The following CEMIP2 variants were observed in gnomAD, a reference collection of about 807,000 sequenced individuals.
CEMIP2 encodes the protein cell surface hyaluronidase CEMIP2.
CEMIP2 carries 79 observed loss-of-function variants against 146.9 expected under a neutral mutation model. The observed-to-expected ratio is 0.54, with a 90% CI of 0.45 to 0.65. The LOEUF (loss-of-function observed/expected upper bound fraction) is 0.65, where lower values mean the gene tolerates loss of function less well. Ranked by LOEUF, CEMIP2 falls within the 30% of genes least tolerant of loss-of-function variation. The probability of loss-of-function intolerance (pLI) is 0.00; values close to 1 mark genes in which losing one functional copy is unlikely to be tolerated. For synonymous variants in CEMIP2, 601 were observed against 606.3 expected (o/e 0.99, Z 0.13); for missense variants, 1,596 against 1,696.2 (o/e 0.94, Z 1.04).
In CEMIP2 at chr9:71,730,253, T is replaced by C. The variant is rs942892278; in HGVS notation, c.1774A>G (p.Ile592Val). 9 of 1,613,288 alleles carry C rather than the reference T, an allele frequency of 5.6e-6. No individual in the cohort carries two copies. Among genetic ancestry groups the C allele is most frequent in the Non-Finnish European group, 7.6e-6 (9 of 1,179,500 alleles). ...ITVHGTNGLL[I>V]KDTIGFDTLG... ...GTGTCAAACCCAATGGTGTCTTTTA[T>C]CTGCAGAAATAAAAGTATATTAATG... Residue 592 changes from isoleucine to valine, a missense_variant and splice_region_variant, in exon 9 of 24, where the codon ATA (isoleucine) becomes GTA (valine). Physicochemically the swap from Ile to Val is conservative, Grantham distance 29 (BLOSUM62 3). Transcript: ENST00000377044.
intron 1 of CEMIP2, among the ~76,000 whole-genome samples, chr9:71,756,757 T>G (rs1824473645): frequency 6.6e-6 from 1 of 152,148 alleles, no homozygotes; most frequent in African/African-American, 2.4e-5. Flanking sequence ...AAAGGTATTA[T>G]TAACAACTGC....
chr9:71,725,683 G>C lies in CEMIP2; in HGVS notation c.2076C>G (p.His692Gln). 1 of 1,613,752 alleles carries C rather than the reference G, an allele frequency of 6.2e-7. No homozygotes were observed. Among genetic ancestry groups the C allele is most frequent in the Non-Finnish European group, 8.5e-7 (1 of 1,179,872 alleles). ...CACTGGATTCCCCAGTTGGTTCCTT[G>C]TGGAATAAATACCATATTCCAGCAT... ...SQDAGIWYLF[H>Q]KEPTGESSGL... is the part of the protein sequence containing the mutation. Residue 692 changes from histidine (H) to glutamine (Q), a missense_variant, in exon 11 of 24, where the codon CAC becomes CAG. His to Gln is a conservative substitution (Grantham distance 24). Coordinates refer to ENST00000377044, the MANE Select transcript of CEMIP2 (RefSeq NM_013390.3).
At chr9:71,739,236 C>A (rs1275159433) in intron 5 of CEMIP2, among the ~76,000 whole-genome samples, 2 of 151,232 alleles carry the variant, frequency 1.3e-5, no homozygotes, top group African/African-American at 2.4e-5. Flanking sequence ...CAGTAATTAT[C>A]CCCTGTCTAG....
intron 1 of CEMIP2, among the ~76,000 whole-genome samples, chr9:71,756,212 T>C (rs568412869): frequency 1.6e-5 from 2 of 127,794 alleles, no homozygotes; most frequent in African/African-American, 5.4e-5. Flanking sequence ...GATAGATAGA[T>C]AGGCTATATA....
At chr9:71,716,806 T>C (rs1361334893) in intron 13 of CEMIP2, among the ~76,000 whole-genome samples, 1 of 152,186 alleles carries the variant, frequency 6.6e-6, no homozygotes, top group African/African-American at 2.4e-5. Flanking sequence ...CTCTCACTTT[T>C]CCCATCTGTA....
intron 6 of CEMIP2, among the ~76,000 whole-genome samples, chr9:71,733,455 G>A (rs2131975124): frequency 6.6e-6 from 1 of 152,218 alleles, no homozygotes; most frequent in African/African-American, 2.4e-5. Context: ...TTGGGGCAGT[G>A]TTCTTGTTTT....
In CEMIP2 at chr9:71,728,305, A is replaced by ATG. The variant is rs1554684816; in HGVS notation, c.2049+1539_2049+1540insCA. On this transcript the variant is annotated intron_variant, in intron 10 of 23. Coordinates refer to ENST00000377044, the MANE Select transcript of CEMIP2 (RefSeq NM_013390.3). ...TGTATATATATATATATATATACAT[A>ATG]TATATATATATACGTATATATATAT... Among the ~76,000 whole-genome samples the ATG allele has an allele frequency of 9.4e-4, 62 of 65,676 alleles. 12 individuals are homozygous for ATG. The highest frequency in any genetic ancestry group is 1.4e-3 in the East Asian group (3 of 2,110). The allele number at this position is 65,676 out of a possible 152,430, so 43.1% of individuals were successfully genotyped here.
intron 1 of CEMIP2, among the ~76,000 whole-genome samples, chr9:71,756,065 C>T (rs1175420252): frequency 3.4e-5 from 5 of 148,836 alleles, no homozygotes; most frequent in South Asian, 2.1e-4. Flanking sequence ...CAGCAGACCA[C>T]AAGCCTCTTG....
At chr9:71,710,957 T>C (rs1822888092) in intron 16 of CEMIP2, among the ~76,000 whole-genome samples, 2 of 152,188 alleles carry the variant, frequency 1.3e-5, no homozygotes, top group South Asian at 4.1e-4. Context: ...TATTTTAAAT[T>C]GGGCAACTAT....
chr9:71,740,041 A>G, intron 5 of CEMIP2, 22 bp downstream of exon 5: 1 of 1,606,400 alleles, frequency 6.2e-7, no homozygotes, highest in East Asian at 2.2e-5. Context: ...GTCTTACAAG[A>G]GTATAAACTC....
intron 20 of CEMIP2, among the ~76,000 whole-genome samples, chr9:71,695,347 T>C (rs187946190): frequency 5.9e-5 from 9 of 152,270 alleles, no homozygotes; most frequent in East Asian, 1.9e-4. Flanking sequence ...AGGTACACTG[T>C]CCATATAAAC....
At chr9:71,700,408 ATTTC>A in intron 19 of CEMIP2, among the ~76,000 whole-genome samples, 1 of 152,270 alleles carries the variant, frequency 6.6e-6, no homozygotes, top group Admixed American at 6.5e-5. Context: ...ACAAGGGATA[ATTTC>A]TTTCTCTAAA....
In CEMIP2 at chr9:71,690,169, G is replaced by A. The variant is rs1335548873; in HGVS notation, c.3774C>T (p.Arg1258=). 6.2e-7 allele frequency: 1 copy of A among 1,614,086 alleles called. No homozygotes were observed. Among genetic ancestry groups the A allele is most frequent in the East Asian group, 2.2e-5 (1 of 44,874 alleles). Residue 1258 remains arginine, a synonymous_variant, in exon 22 of 24, where the codon CGC becomes CGT. Transcript: ENST00000377044. ...LVVDPCSVPF[R]LTEKTVFPLA... ...GAGGAAAAACCGTTTTTTCCGTCAA[G>A]CGGAATGGAACGCTGCACGGATCCA...
intron 10 of CEMIP2, among the ~76,000 whole-genome samples, chr9:71,728,811 G>GTT (rs1554684959): frequency 1.2e-5 from 1 of 84,124 alleles, no homozygotes; most frequent in African/African-American, 3.2e-5. Flanking sequence ...TTTTTGTGGG[G>GTT]TTTTTGTGTG....
chr9:71,728,305 A>ACG (rs1448255712), intron 10 of CEMIP2, among the ~76,000 whole-genome samples: 1 of 65,676 alleles, frequency 1.5e-5, no homozygotes, highest in East Asian at 4.7e-4. Context: ...ATATATACAT[A>ACG]TATATATATA....
chr9:71,693,807 T>A (rs1176998764), intron 21 of CEMIP2, among the ~76,000 whole-genome samples: 1 of 152,236 alleles, frequency 6.6e-6, no homozygotes, highest in African/African-American at 2.4e-5. Context: ...TTGGTCTGAA[T>A]GTCTGTGTCC....
chr9:71,739,351 G>C (rs1326059975), intron 5 of CEMIP2, among the ~76,000 whole-genome samples: 4 of 83,552 alleles, frequency 4.8e-5, no homozygotes, highest in Non-Finnish European at 8.5e-5. Context: ...GACAGAGTGA[G>C]ACTCTGTCTC....
At chr9:71,759,952 C>T (rs62544886) in intron 1 of CEMIP2, among the ~76,000 whole-genome samples, 9,361 of 149,378 alleles carry the variant, frequency 0.063, 455 homozygotes, top group South Asian at 0.18. Flanking sequence ...CCATATATTG[C>T]GGTGAAGTAT....
At chr9:71,711,823 C>T (rs1564004011) in intron 16 of CEMIP2, among the ~76,000 whole-genome samples, 1 of 152,252 alleles carries the variant, frequency 6.6e-6, no homozygotes, top group East Asian at 1.9e-4. Flanking sequence ...AACTCTACAA[C>T]CTCTGTATCA....
Sources: gnomAD v4.1 joint callset for allele counts (sites outside exome capture counted in the v4.1 genomes callset) on GRCh38, gnomAD v4.1.1 for gene constraint, MANE v1.5 for transcripts, NCBI Gene and HGNC (gene_info 2026-07-23, HGNC 2026-07-21) for gene names.